SBNO1: variants seen among roughly 807,000 people sequenced by gnomAD.
SBNO1 encodes the protein protein strawberry notch homolog 1.
A neutral mutation model predicts 173.6 loss-of-function variants in SBNO1; 23 were observed. That is an observed-to-expected ratio of 0.13 (90% CI 0.10 to 0.19). The LOEUF is 0.19. Ranked by LOEUF, SBNO1 falls within the 10% of genes least tolerant of loss-of-function variation. The pLI is 1.00. For synonymous variants in SBNO1, 632 were observed against 571.5 expected, an observed-to-expected ratio of 1.11 and a Z score of -1.51; for missense variants, 1,238 against 1,671.2, an observed-to-expected ratio of 0.74 and a Z score of 4.52.
intron 5 of SBNO1, 108 bp from the exon 6 acceptor site, chr12:123,336,599 A>G (rs1282080402): frequency 1.5e-6 from 1 of 674,192 alleles, no homozygotes; most frequent in East Asian, 2.8e-5. Context: ...CATCATGGAA[A>G]CATGACGCGC....
At position 123,333,451 on chromosome 12, in the gene SBNO1, C is replaced by A. The variant is rs1022135019; in HGVS notation, c.909+602G>T. Reference sequence around the variant, plus strand: ...TGCATATGTTCTTATCTAACAGTTCCAGGGAACACACTCCTAGGAATGGGT... The same window carrying A: ...TGCATATGTTCTTATCTAACAGTTCAAGGGAACACACTCCTAGGAATGGGT... On this transcript the variant is annotated intron_variant, in intron 7 of 31. Coordinates refer to ENST00000602398, the MANE Select transcript of SBNO1 (RefSeq NM_001167856.3). Among the ~76,000 whole-genome samples, 8 of 152,116 alleles carry A rather than the reference C, an allele frequency of 5.3e-5. No individual in the cohort carries two copies. In the South Asian group the frequency reaches 1.7e-3, roughly 32 times the overall value.
rs2048489817 is a variant in SBNO1, at chr12:123,290,092, C to T, written c.*5816G>A. The T allele has an allele frequency of 6.6e-6, 1 of 152,380 alleles. No individual in the cohort carries two copies. Among genetic ancestry groups the T allele is most frequent in the African/African-American group, 2.4e-5 (1 of 41,588 alleles). 9.4% of individuals were successfully genotyped at this position (152,380 alleles called of 1,614,324 possible). ...CTTCTTTTCCTTGCTTAGCCCTGCA[C>T]TAAGGGGCAGTCTTGCTGGACGGTG... On this transcript the variant is annotated 3_prime_UTR_variant, in exon 32 of 32. Transcript: ENST00000602398.
intron 3 of SBNO1, among the ~76,000 whole-genome samples, chr12:123,346,330 C>T (rs1216808848): frequency 2.0e-5 from 3 of 152,180 alleles, no homozygotes; most frequent in Non-Finnish European, 4.4e-5. Flanking sequence ...ACACTATTTG[C>T]TATTTCTCCA....
At chr12:123,360,424 T>C (rs186823847) in intron 1 of SBNO1, among the ~76,000 whole-genome samples, 36 of 152,052 alleles carry the variant, frequency 2.4e-4, no homozygotes, top group Non-Finnish European at 4.4e-4. Context: ...CCTAAACATA[T>C]CTGTAGCTAA....
intron 28 of SBNO1, among the ~76,000 whole-genome samples, chr12:123,308,919 A>C (rs1029567118): frequency 1.3e-5 from 2 of 152,146 alleles, no homozygotes; most frequent in Non-Finnish European, 2.9e-5. Flanking sequence ...GCCTGACCAA[A>C]GTGAAGAAAC....
intron 31 of SBNO1, among the ~76,000 whole-genome samples, chr12:123,297,467 G>A (rs1016325970): frequency 2.3e-5 from 3 of 129,170 alleles, no homozygotes; most frequent in African/African-American, 8.4e-5. Context: ...TATGCAATCC[G>A]TGGTAGAGGA....
Position 123,311,077 on chromosome 12 carries a change from C to G in SBNO1, c.3273G>C (p.Ser1091=). Residue 1091 remains serine, a synonymous_variant, in exon 25 of 32, where the codon TCG becomes TCC. Transcript: ENST00000602398. ...GVGLINVEDR[S]GILTLDKDYN... is the part of the protein sequence containing the mutation. ...TACCTTTATCGAGAGTAAGAATTCC[C>G]GAGCGATCTTCTACATTTATCAGGC... 1 of 1,613,170 alleles carries G rather than the reference C, an allele frequency of 6.2e-7. No homozygotes were observed. The highest frequency in any genetic ancestry group is 1.3e-5 in the African/African-American group (1 of 75,022).
In SBNO1 at chr12:123,315,378, T is replaced by C; in HGVS notation, c.3115A>G (p.Asn1039Asp). The C allele has an allele frequency of 6.2e-7, 1 of 1,608,776 alleles. No homozygotes were observed. The highest frequency in any genetic ancestry group is 8.5e-7 in the Non-Finnish European group (1 of 1,175,366). ...TACTGAAAATTGAAATGTACCTTAT[T>C]ATCAAAGTTGAACCTGCTCAGATCT... ...SRDLSRFNFD[N>D]KYGRNALEIV... The change falls in exon 23 of 32, where the codon AAT becomes GAT. Residue 1039 changes from asparagine to aspartate, a missense_variant. Asn to Asp is a conservative substitution (Grantham distance 23). Around this residue, in one of 14 missense-constraint regions of SBNO1, gnomAD observed 39 missense variants for 129.7 expected, o/e 0.30. Coordinates refer to ENST00000602398, the MANE Select transcript of SBNO1 (RefSeq NM_001167856.3).
intron 1 of SBNO1, chr12:123,363,905 A>T (rs1455534833): frequency 1.9e-5 from 19 of 985,496 alleles, no homozygotes; most frequent in Non-Finnish European, 2.3e-5. Flanking sequence ...GGAACATCCA[A>T]ATCTCCTCAG....
In SBNO1 at chr12:123,315,650, A is replaced by G. The variant is rs777060942; in HGVS notation, c.2946T>C (p.His982=). Residue 982 remains histidine (H), a synonymous_variant, in exon 22 of 32, where the codon CAT becomes CAC. Coordinates refer to ENST00000602398, the MANE Select transcript of SBNO1 (RefSeq NM_001167856.3). ...CAGGAGCAGTAACTTGGTTTGATCTATGAGTACGTCCTGCAACGAAATTTT... is the reference window on the plus strand; with the variant it reads ...CAGGAGCAGTAACTTGGTTTGATCTGTGAGTACGTCCTGCAACGAAATTTT... ...DRAIQQFGRT[H]RSNQVTAPEY... is the part of the protein sequence containing the mutation. The G allele has an allele frequency of 6.2e-7, 1 of 1,608,160 alleles. No individual in the cohort carries two copies. The highest frequency in any genetic ancestry group is 1.3e-5 in the African/African-American group (1 of 74,800).
At chr12:123,332,389 T>C (rs1180207927) in intron 7 of SBNO1, among the ~76,000 whole-genome samples, 1 of 151,994 alleles carries the variant, frequency 6.6e-6, no homozygotes, top group East Asian at 1.9e-4. Flanking sequence ...CCTCCTGAGT[T>C]CAAGTGATTC....
chr12:123,320,998 G>A (rs943285634), intron 17 of SBNO1, 132 bp from the exon 18 acceptor site: 22 of 681,372 alleles, frequency 3.2e-5, no homozygotes, highest in Non-Finnish European at 4.7e-5. Flanking sequence ...GGAGTGCAAT[G>A]GCGCAATCTC....
At position 123,309,550 on chromosome 12, in the gene SBNO1, C is replaced by T. The variant is rs142553809; in HGVS notation, c.3476G>A (p.Ser1159Asn). 4.5e-4 allele frequency: 733 copies of T among 1,613,998 alleles called. No homozygotes were observed. The highest frequency in any genetic ancestry group is 5.8e-4 in the Non-Finnish European group (682 of 1,179,892). The change falls in exon 27 of 32, where the codon AGT (serine) becomes AAT (asparagine). Residue 1159 changes from serine (S) to asparagine (N), a missense_variant. This residue lies in a region of SBNO1 where 351 missense variants were observed against 420.3 expected (regional missense o/e 0.84). Transcript: ENST00000602398. ...TGGAGTCAGAAACTTTTTAACATCA[C>T]TTTTCCGCACTTTTTCATCTCCAGA... Reference protein sequence around the residue: ...LGSGDEKVRKSDVKKFLTPGY... With the variant: ...LGSGDEKVRKNDVKKFLTPGY...
chr12:123,298,530 C>G (rs2048678691), intron 30 of SBNO1, among the ~76,000 whole-genome samples: 1 of 152,204 alleles, frequency 6.6e-6, no homozygotes, highest in South Asian at 2.1e-4. Flanking sequence ...GCCGGGATTA[C>G]AGGCGTGAGC....
At chr12:123,352,824 G>C (rs1363538789) in intron 1 of SBNO1, among the ~76,000 whole-genome samples, 3 of 152,036 alleles carry the variant, frequency 2.0e-5, no homozygotes, top group Middle Eastern at 6.8e-3. Flanking sequence ...TGGAGACGGA[G>C]TCTAGCTCTG....
chr12:123,295,219 G>T lies in SBNO1; in HGVS notation c.*689C>A, dbSNP rs2048575361. The T allele has an allele frequency of 6.6e-6, 1 of 152,066 alleles. No individual in the cohort carries two copies. Among genetic ancestry groups the T allele is most frequent in the African/African-American group, 2.4e-5 (1 of 41,382 alleles). The allele number at this position is 152,066 out of a possible 1,614,324, so 9.4% of individuals were successfully genotyped here. A position where few individuals can be genotyped will look rare whatever the true frequency, so the allele number is the denominator to read the frequency against. On this transcript the variant is annotated 3_prime_UTR_variant, in exon 32 of 32. Coordinates refer to ENST00000602398, the MANE Select transcript of SBNO1 (RefSeq NM_001167856.3). Reference sequence around the variant, plus strand: ...GAGAAGGGGAAGGAGGGGTCTGCAGGGTTTGAAGCAATACCCAGGTATAAA... The same window carrying T: ...GAGAAGGGGAAGGAGGGGTCTGCAGTGTTTGAAGCAATACCCAGGTATAAA...
intron 20 of SBNO1, 70 bp from the exon 21 acceptor site, chr12:123,317,426 T>A: frequency 7.2e-7 from 1 of 1,391,552 alleles, no homozygotes; most frequent in South Asian, 1.2e-5. Flanking sequence ...TTAAATGAAG[T>A]CCTTCAGCAG....
chr12:123,338,921 C>A (rs1352211235), intron 5 of SBNO1, among the ~76,000 whole-genome samples: 50 of 31,072 alleles, frequency 1.6e-3, no homozygotes, highest in Non-Finnish European at 4.8e-3. Context: ...CGCCCCCCCC[C>A]CCCTCCCCGA....
In SBNO1 at chr12:123,292,073, C is replaced by T. The variant is rs537556602; in HGVS notation, c.*3835G>A. On this transcript the variant is annotated 3_prime_UTR_variant, in exon 32 of 32. Transcript: ENST00000602398. ...TCTCAGCTGTAGCCCTGACATGAAA[C>T]GCTTGCTACGTTTCTGCAGCAAAGT... 4 of 147,878 alleles carry T rather than the reference C, an allele frequency of 2.7e-5. No individual in the cohort carries two copies. Among genetic ancestry groups the T allele is most frequent in the African/African-American group, 5.0e-5 (2 of 40,096 alleles). 9.2% of individuals were successfully genotyped at this position (147,878 alleles called of 1,614,324 possible). A position where few individuals can be genotyped will look rare whatever the true frequency, so the allele number is the denominator to read the frequency against.
Sources: gnomAD v4.1 joint callset for allele counts (sites outside exome capture counted in the v4.1 genomes callset) on GRCh38, gnomAD v4.1.1 for gene constraint, gnomAD v4.1.1 regional missense constraint, MANE v1.5 for transcripts, NCBI Gene and HGNC (gene_info 2026-07-23, HGNC 2026-07-21) for gene names.